SNX30: variants seen among roughly 807,000 people sequenced by gnomAD.
The protein encoded by SNX30 is sorting nexin family member 30.
SNX30 carries 24 observed loss-of-function variants against 46.4 expected under a neutral mutation model. The ratio of observed to expected loss-of-function variants is 0.52; its 90% CI spans 0.37 to 0.73. SNX30 has a LOEUF of 0.73. Ranked by LOEUF, SNX30 falls within the 30% of genes least tolerant of loss-of-function variation. SNX30 has a pLI of 0.00. For synonymous variants in SNX30, 189 were observed against 211.5 expected, an observed-to-expected ratio of 0.89 and a Z score of 0.92; for missense variants, 533 against 555.7, an observed-to-expected ratio of 0.96 and a Z score of 0.41.
At chr9:112,762,214 G>A (rs903099070) in intron 1 of SNX30, among the ~76,000 whole-genome samples, 4 of 152,040 alleles carry the variant, frequency 2.6e-5, no homozygotes, top group South Asian at 2.1e-4. Flanking sequence ...ATTGTTGTTT[G>A]TGTGAATTTT....
chr9:112,807,345 C>T (rs754916678), intron 2 of SNX30, among the ~76,000 whole-genome samples: 1 of 152,106 alleles, frequency 6.6e-6, no homozygotes, highest in Admixed American at 6.5e-5. Flanking sequence ...GGATTACAAG[C>T]GTGAGCCGCT....
chr9:112,825,202 A>G (rs1840563366), intron 3 of SNX30, among the ~76,000 whole-genome samples: 1 of 152,228 alleles, frequency 6.6e-6, no homozygotes, highest in Admixed American at 6.5e-5. Context: ...TTATATCTGC[A>G]CTAGAAATGT....
intron 3 of SNX30, among the ~76,000 whole-genome samples, chr9:112,830,433 C>T (rs1326550584): frequency 6.6e-6 from 1 of 151,750 alleles, no homozygotes; most frequent in Non-Finnish European, 1.5e-5. Flanking sequence ...CATCATATCA[C>T]GTGTACATCA....
At chr9:112,854,920 C>T (rs1841096432) in intron 7 of SNX30, among the ~76,000 whole-genome samples, 1 of 152,208 alleles carries the variant, frequency 6.6e-6, no homozygotes, top group African/African-American at 2.4e-5. Context: ...GACAGATGCT[C>T]CGTTGGAGGA....
At chr9:112,852,114 A>G (rs1002305052) in intron 7 of SNX30, among the ~76,000 whole-genome samples, 1 of 152,136 alleles carries the variant, frequency 6.6e-6, no homozygotes, top group African/African-American at 2.4e-5. Flanking sequence ...GGGGCTGGCC[A>G]TAGGCAGGCC....
chr9:112,756,906 G>A (rs1012567744), intron 1 of SNX30, among the ~76,000 whole-genome samples: 1 of 152,118 alleles, frequency 6.6e-6, no homozygotes, highest in Non-Finnish European at 1.5e-5. Flanking sequence ...TTGATGTTAT[G>A]GGATACACAT....
intron 1 of SNX30, among the ~76,000 whole-genome samples, chr9:112,757,625 A>G (rs1469924921): frequency 6.6e-6 from 1 of 152,174 alleles, no homozygotes; most frequent in South Asian, 2.1e-4. Flanking sequence ...ACAGCGTTGT[A>G]CAAAAGTTCC....
chr9:112,849,679 A>T (rs557893343), intron 6 of SNX30, among the ~76,000 whole-genome samples: 1 of 152,184 alleles, frequency 6.6e-6, no homozygotes, highest in Non-Finnish European at 1.5e-5. Context: ...GACACATTCC[A>T]TTAGAAGGTT....
intron 1 of SNX30, among the ~76,000 whole-genome samples, chr9:112,758,884 C>T (rs62576368): frequency 0.22 from 33,719 of 151,704 alleles, 4,715 homozygotes; most frequent in East Asian, 0.42. Flanking sequence ...CACACACAAT[C>T]GCTTGAGCCC....
chr9:112,763,188 G>T (rs997143597), intron 1 of SNX30, among the ~76,000 whole-genome samples: 11 of 151,618 alleles, frequency 7.3e-5, no homozygotes, highest in Admixed American at 2.0e-4. Flanking sequence ...ATTTTTTAGA[G>T]ATGGGGCCTT....
chr9:112,825,444 A>G (rs1840566526), intron 3 of SNX30, among the ~76,000 whole-genome samples: 1 of 151,988 alleles, frequency 6.6e-6, no homozygotes. Context: ...TCAGGCGTGC[A>G]CCACCATGGC....
rs141633808 is a variant in SNX30, at chr9:112,866,571, G to A, written c.1254+2172G>A. 5.0e-3 allele frequency: 2,369 copies of A among 469,260 alleles called. 15 individuals carry two copies. The highest frequency in any genetic ancestry group is 5.6e-3 in the Non-Finnish European group (1,268 of 226,200). 29.1% of individuals were successfully genotyped at this position (469,260 alleles called of 1,614,324 possible). On this transcript the variant is annotated intron_variant, in intron 8 of 8. Coordinates refer to ENST00000374232, the MANE Select transcript of SNX30 (RefSeq NM_001012994.2). Reference sequence around the variant, plus strand: ...CAGATCATCTTCCGTATATAAGGTGGGCTTCAGAGTTTAGCTTCCTCTCTA... The same window carrying A: ...CAGATCATCTTCCGTATATAAGGTGAGCTTCAGAGTTTAGCTTCCTCTCTA...
intron 1 of SNX30, among the ~76,000 whole-genome samples, chr9:112,783,217 G>A (rs1234059960): frequency 1.3e-5 from 2 of 152,218 alleles, no homozygotes; most frequent in Middle Eastern, 3.2e-3. Flanking sequence ...GGAGGCAGAC[G>A]GTGAAGGGCT....
downstream of SNX30, among the ~76,000 whole-genome samples, chr9:112,883,504 ATTGT>A (rs148693420): frequency 0.011 from 1,641 of 151,136 alleles, 29 homozygotes; most frequent in African/African-American, 0.032. Flanking sequence ...ACCATAAAGG[ATTGT>A]TTGGGAAGAT....
chr9:112,769,793 C>G (rs1232956319), intron 1 of SNX30, among the ~76,000 whole-genome samples: 1 of 152,196 alleles, frequency 6.6e-6, no homozygotes, highest in Non-Finnish European at 1.5e-5. Context: ...ATTCCAAATT[C>G]CTGTCTCCCA....
intron 1 of SNX30, among the ~76,000 whole-genome samples, chr9:112,767,268 G>T (rs62576384): frequency 0.068 from 10,370 of 152,060 alleles, 452 homozygotes; most frequent in Non-Finnish European, 0.099. Context: ...GTCCATTCAA[G>T]TCCCCTGCCC....
intron 1 of SNX30, among the ~76,000 whole-genome samples, chr9:112,773,767 G>T (rs1211896193): frequency 1.3e-5 from 2 of 152,138 alleles, no homozygotes; most frequent in Admixed American, 1.3e-4. Flanking sequence ...TATAAATTAT[G>T]ACTTCAAGGC....
rs1841405485 is a variant in SNX30 at position 112,869,105 on chromosome 9, C to G, written c.*262C>G. On this transcript the variant is annotated 3_prime_UTR_variant, in exon 9 of 9. Transcript: ENST00000374232. The stretch of plus-strand genomic sequence containing the variant: ...GTGAAGGCATCTGTTCAGTGAAGCA[C>G]TACGAAAATTTGAAACCAAGGGACA... 5 of 433,386 alleles carry G rather than the reference C, an allele frequency of 1.2e-5. No homozygotes were observed. Among genetic ancestry groups the G allele is most frequent in the African/African-American group, 2.0e-5 (1 of 50,940 alleles). The allele number at this position is 433,386 out of a possible 1,614,324, so 26.8% of individuals were successfully genotyped here. A position where few individuals can be genotyped will look rare whatever the true frequency, so the allele number is the denominator to read the frequency against.
At chr9:112,839,636 T>C (rs916168823) in intron 6 of SNX30, among the ~76,000 whole-genome samples, 1 of 152,234 alleles carries the variant, frequency 6.6e-6, no homozygotes, top group African/African-American at 2.4e-5. Context: ...CACTGATTAG[T>C]AGAAAGGCCC....
Sources: gnomAD v4.1 joint callset for allele counts (sites outside exome capture counted in the v4.1 genomes callset) on GRCh38, gnomAD v4.1.1 for gene constraint, MANE v1.5 for transcripts, NCBI Gene and HGNC (gene_info 2026-07-23, HGNC 2026-07-21) for gene names.